The following GLCCI1 variants were observed in gnomAD, a reference collection of about 807,000 sequenced individuals.
The protein encoded by GLCCI1 is glucocorticoid-induced transcript 1 protein.
In GLCCI1, 24 loss-of-function variants were observed where a neutral mutation model predicts 52.2. The ratio of observed to expected loss-of-function variants is 0.46; its 90% CI spans 0.33 to 0.65. GLCCI1 has a LOEUF of 0.65. GLCCI1 is among the 30% of genes least tolerant of loss of function. The probability of loss-of-function intolerance (pLI) is 0.02; values close to 1 mark genes in which losing one functional copy is unlikely to be tolerated. For synonymous variants in GLCCI1, 310 were observed against 276.5 expected, an observed-to-expected ratio of 1.12 and a Z score of -1.20; for missense variants, 704 against 701.5, an observed-to-expected ratio of 1.00 and a Z score of -0.04.
chr7:8,049,889 C>T (rs575857330), intron 3 of GLCCI1, among the ~76,000 whole-genome samples: 4 of 152,296 alleles, frequency 2.6e-5, no homozygotes, highest in South Asian at 2.1e-4. Context: ...GAGTTTTTCT[C>T]ATCTGCAGTA....
rs907715649 is a variant in GLCCI1 at position 8,086,800 on chromosome 7, A to G, written c.*262A>G. 7.5e-6 allele frequency: 3 copies of G among 400,738 alleles called. No individual in the cohort carries two copies. The highest frequency in any genetic ancestry group is 4.0e-5 in the African/African-American group (2 of 49,678). 24.8% of individuals were successfully genotyped at this position (400,738 alleles called of 1,614,324 possible). ...CATTTCATAGTATATTTGACAGATT[A>G]GTACTGTGTCCTGTGTTTTGTTCCA... On this transcript the variant is annotated 3_prime_UTR_variant, in exon 8 of 8. Coordinates refer to ENST00000223145, the MANE Select transcript of GLCCI1 (RefSeq NM_138426.4). This position sits in a 1 kb window ranked among gnomAD's most constrained non-coding sequence, Gnocchi z 4.4.
intron 2 of GLCCI1, among the ~76,000 whole-genome samples, chr7:8,005,262 AT>A: frequency 6.6e-6 from 1 of 152,212 alleles, no homozygotes; most frequent in South Asian, 2.1e-4. Flanking sequence ...TTTAAAAATA[AT>A]TTTAAAAAGA....
chr7:7,995,636 C>T (rs903965651), intron 1 of GLCCI1, among the ~76,000 whole-genome samples: 2 of 152,152 alleles, frequency 1.3e-5, no homozygotes, highest in African/African-American at 4.8e-5. Context: ...TCATTCTCGG[C>T]AAACTATTGC....
At position 8,056,467 on chromosome 7, in the gene GLCCI1, A is replaced by G. The variant is rs146240978; in HGVS notation, c.813+918A>G. ...CCCATCTTTCTCTGTGTCTCTATGT[A>G]TCTTATCCCTATTTTACATATGAAG... is the stretch of plus-strand genomic sequence containing the variant. On this transcript the variant is annotated intron_variant, in intron 4 of 7. Transcript: ENST00000223145. 9.8e-5 allele frequency among the ~76,000 whole-genome samples: 15 copies of G among 152,298 alleles called. No homozygotes were observed. The East Asian group carries it at 2.5e-3, about 25-fold the overall frequency.
At chr7:7,985,220 G>A (rs1273464476) in intron 1 of GLCCI1, among the ~76,000 whole-genome samples, 1 of 152,116 alleles carries the variant, frequency 6.6e-6, no homozygotes, top group Non-Finnish European at 1.5e-5. Flanking sequence ...AGGGAAATGT[G>A]TGTATGTATG....
At chr7:8,053,363 GC>G (rs1478274414) in intron 3 of GLCCI1, among the ~76,000 whole-genome samples, 1 of 140,176 alleles carries the variant, frequency 7.1e-6, no homozygotes, top group African/African-American at 2.7e-5. Context: ...TCGCACTGTC[GC>G]CCAGGTTGGA....
At chr7:7,981,125 C>T (rs527994984) in intron 1 of GLCCI1, 88 of 463,142 alleles carry the variant, frequency 1.9e-4, no homozygotes, top group Middle Eastern at 4.5e-4. Flanking sequence ...TCTGTGTATG[C>T]AAATTGAATC....
intron 1 of GLCCI1, among the ~76,000 whole-genome samples, chr7:7,991,655 C>G (rs1038359612): frequency 6.6e-5 from 10 of 151,970 alleles, no homozygotes; most frequent in African/African-American, 2.4e-4. Flanking sequence ...GTAAGAGGCC[C>G]TTCTAGATTT....
chr7:7,989,641 T>C (rs1476032199), intron 1 of GLCCI1, among the ~76,000 whole-genome samples: 3 of 152,132 alleles, frequency 2.0e-5, no homozygotes, highest in African/African-American at 7.2e-5. Flanking sequence ...TTTTTGAATA[T>C]TTATTTCATA....
At chr7:8,043,695 T>C (rs1431442389) in intron 3 of GLCCI1, among the ~76,000 whole-genome samples, 2 of 152,180 alleles carry the variant, frequency 1.3e-5, no homozygotes, top group African/African-American at 4.8e-5. Flanking sequence ...TGAATTTTAC[T>C]ATTAAAATGG....
chr7:8,013,935 T>C (rs1448710995), intron 2 of GLCCI1, among the ~76,000 whole-genome samples: 1 of 152,120 alleles, frequency 6.6e-6, no homozygotes, highest in Non-Finnish European at 1.5e-5. Flanking sequence ...TGGAATTGCA[T>C]TTGTTGCCAC....
intron 1 of GLCCI1, among the ~76,000 whole-genome samples, chr7:7,987,755 T>C (rs1780763966): frequency 6.6e-6 from 1 of 151,598 alleles, no homozygotes; most frequent in Non-Finnish European, 1.5e-5. Context: ...GTCTGGCTAA[T>C]TTATTTTTTA....
chr7:8,056,523 T>C (rs1782401762), intron 4 of GLCCI1, among the ~76,000 whole-genome samples: 1 of 152,204 alleles, frequency 6.6e-6, no homozygotes, highest in African/African-American at 2.4e-5. Flanking sequence ...TATTTTCCCC[T>C]AGAAGTAAAT....
chr7:8,004,121 A>T, intron 2 of GLCCI1, 62 bp downstream of exon 2: 1 of 1,381,896 alleles, frequency 7.2e-7, no homozygotes, highest in Non-Finnish European at 9.8e-7. Flanking sequence ...GATCACAGTA[A>T]AGAAAATGTA....
Position 7,972,224 on chromosome 7 carries a change from C to T in GLCCI1, c.457+2417C>T, listed in dbSNP as rs1290040639. Among the ~76,000 whole-genome samples, 3 of 152,344 alleles carry T rather than the reference C, an allele frequency of 2.0e-5. No individual in the cohort carries two copies. The East Asian group carries it at 5.8e-4, about 29-fold the overall frequency. On this transcript the variant is annotated intron_variant, in intron 1 of 7. Transcript: ENST00000223145. ...GTTCCTGCCGCTGCCACTGCTGCTG[C>T]AGACACTGACATCACTATACTGCAT...
rs73674780 is a variant in GLCCI1, at chr7:8,035,931, G to T, written c.696+13362G>T. On this transcript the variant is annotated intron_variant, in intron 3 of 7. Coordinates refer to ENST00000223145, the MANE Select transcript of GLCCI1 (RefSeq NM_138426.4). ...CATTGGAGTATTGAAGAGCAGGCTT[G>T]GTGGTTTAGCTCTACCCAGCTTTGT... Among the ~76,000 whole-genome samples, 1,177 of 152,274 alleles carry T rather than the reference G, an allele frequency of 7.7e-3. 10 individuals are homozygous for T. Among genetic ancestry groups the T allele is most frequent in the African/African-American group, 0.027 (1,103 of 41,548 alleles).
At chr7:8,030,584 G>A (rs2127951436) in intron 3 of GLCCI1, among the ~76,000 whole-genome samples, 1 of 152,112 alleles carries the variant, frequency 6.6e-6, no homozygotes, top group East Asian at 1.9e-4. Context: ...ACAATCAACA[G>A]TGTGAAGAGA....
chr7:8,009,799 T>C (rs1781227483), intron 2 of GLCCI1, among the ~76,000 whole-genome samples: 1 of 152,118 alleles, frequency 6.6e-6, no homozygotes, highest in African/African-American at 2.4e-5. Context: ...GTATAACCCT[T>C]TTAAACAAAT....
intron 6 of GLCCI1, among the ~76,000 whole-genome samples, chr7:8,079,041 CT>C (rs1371684059): frequency 1.3e-5 from 2 of 152,088 alleles, no homozygotes; most frequent in Non-Finnish European, 2.9e-5. Context: ...ATAGTAAATG[CT>C]TAGTAAATAT....
Sources: gnomAD v4.1 joint callset for allele counts (sites outside exome capture counted in the v4.1 genomes callset) on GRCh38, gnomAD v4.1.1 for gene constraint, Gnocchi (gnomAD v3.1) non-coding constraint, MANE v1.5 for transcripts, NCBI Gene and HGNC (gene_info 2026-07-23, HGNC 2026-07-21) for gene names.